SLC35F4: variants seen among roughly 807,000 people sequenced by gnomAD.
SLC35F4 encodes the protein chromosome 14 open reading frame 36.
In SLC35F4, 24 loss-of-function variants were observed where a neutral mutation model predicts 44.2. The ratio of observed to expected loss-of-function variants is 0.54; its 90% CI spans 0.39 to 0.76. The LOEUF (loss-of-function observed/expected upper bound fraction) is 0.76. Ranked by LOEUF, SLC35F4 falls within the 30% of genes least tolerant of loss-of-function variation. The pLI is 0.00. For synonymous variants in SLC35F4, 238 were observed against 223.6 expected, an observed-to-expected ratio of 1.06 and a Z score of -0.57; for missense variants, 562 against 586.1, an observed-to-expected ratio of 0.96 and a Z score of 0.42.
chr14:57,581,786 G>A (rs964162998), intron 3 of SLC35F4, among the ~76,000 whole-genome samples: 2 of 152,246 alleles, frequency 1.3e-5, no homozygotes, highest in East Asian at 3.9e-4. Flanking sequence ...GTGGGCAAAC[G>A]AGAGAGGGTC....
At chr14:57,798,121 C>CAAAAAA (rs60685029) in intron 1 of SLC35F4, among the ~76,000 whole-genome samples, 16 of 42,070 alleles carry the variant, frequency 3.8e-4, no homozygotes, top group South Asian at 1.0e-3. Context: ...GACCCACGAG[C>CAAAAAA]AAAAAAAAAA....
upstream of SLC35F4, among the ~76,000 whole-genome samples, chr14:57,868,642 A>T (rs981870435): frequency 6.6e-6 from 1 of 151,820 alleles, no homozygotes; most frequent in African/African-American, 2.4e-5. Context: ...CGCCCAGCTA[A>T]TTTTTTTGTA....
intron 1 of SLC35F4, among the ~76,000 whole-genome samples, chr14:57,895,647 A>G (rs1338084885): frequency 1.3e-5 from 2 of 151,560 alleles, no homozygotes; most frequent in East Asian, 1.9e-4. Flanking sequence ...ATGGCAATAC[A>G]TGGTTGTTTT....
intron 3 of SLC35F4, among the ~76,000 whole-genome samples, chr14:57,584,244 T>C (rs574028246): frequency 1.3e-5 from 2 of 152,134 alleles, no homozygotes; most frequent in Non-Finnish European, 2.9e-5. Flanking sequence ...AAAAAACTAC[T>C]TCTAAATACA....
chr14:57,677,109 C>T (rs2074720540), intron 1 of SLC35F4, among the ~76,000 whole-genome samples: 1 of 152,014 alleles, frequency 6.6e-6, no homozygotes. Flanking sequence ...TCTTTTGCAG[C>T]AACGTGGGTG....
intron 1 of SLC35F4, among the ~76,000 whole-genome samples, chr14:57,672,882 T>C (rs916698817): frequency 1.3e-5 from 2 of 152,180 alleles, no homozygotes; most frequent in East Asian, 3.9e-4. Flanking sequence ...AGTAGGTTTT[T>C]TGTTTTTTTA....
intron 1 of SLC35F4, among the ~76,000 whole-genome samples, chr14:57,738,260 G>A (rs1031721383): frequency 2.6e-5 from 4 of 152,124 alleles, no homozygotes; most frequent in African/African-American, 9.7e-5. Context: ...CAGTGTCACA[G>A]GGAGTATAAA....
intron 1 of SLC35F4, among the ~76,000 whole-genome samples, chr14:57,955,707 A>G (rs1890223576): frequency 6.6e-6 from 1 of 152,198 alleles, no homozygotes; most frequent in South Asian, 2.1e-4. Context: ...CAAAGAGAAT[A>G]AAATACCTAG....
At chr14:57,642,997 T>A (rs542528887) in intron 1 of SLC35F4, among the ~76,000 whole-genome samples, 14 of 151,996 alleles carry the variant, frequency 9.2e-5, no homozygotes, top group Admixed American at 8.5e-4. Context: ...CTTTAGCACA[T>A]TGTTTGTGTA....
At chr14:57,801,340 C>T (rs980504556) in intron 1 of SLC35F4, among the ~76,000 whole-genome samples, 1 of 152,200 alleles carries the variant, frequency 6.6e-6, no homozygotes, top group Non-Finnish European at 1.5e-5. Context: ...CACCACCAGG[C>T]CTGCCTTGCA....
intron 1 of SLC35F4, among the ~76,000 whole-genome samples, chr14:57,857,487 CT>C (rs1411140098): frequency 6.6e-6 from 1 of 151,920 alleles, no homozygotes; most frequent in Non-Finnish European, 1.5e-5. Flanking sequence ...ATCATGTACT[CT>C]TTCTTTTTCT....
chr14:57,914,540 G>A (rs1460738731), intron 1 of SLC35F4, among the ~76,000 whole-genome samples: 1 of 151,774 alleles, frequency 6.6e-6, no homozygotes, highest in East Asian at 1.9e-4. Flanking sequence ...TCCAGCCTGG[G>A]CAGCATAGCG....
At chr14:57,742,300 C>G (rs964901869) in intron 1 of SLC35F4, among the ~76,000 whole-genome samples, 1 of 152,106 alleles carries the variant, frequency 6.6e-6, no homozygotes, top group African/African-American at 2.4e-5. Context: ...AGAGTCAAGA[C>G]CCATCAGTGT....
At chr14:57,772,890 T>C (rs1166801344) in intron 1 of SLC35F4, among the ~76,000 whole-genome samples, 1 of 152,220 alleles carries the variant, frequency 6.6e-6, no homozygotes, top group East Asian at 1.9e-4. Context: ...GATTGCCAGA[T>C]CAAATGGTAG....
chr14:57,734,051 AG>A (rs2076408972), intron 1 of SLC35F4, among the ~76,000 whole-genome samples: 2 of 152,188 alleles, frequency 1.3e-5, no homozygotes, highest in African/African-American at 4.8e-5. Context: ...ATGTAGCGTA[AG>A]GAAAGTCTTT....
intron 1 of SLC35F4, among the ~76,000 whole-genome samples, chr14:57,880,345 T>C (rs981547262): frequency 6.6e-6 from 1 of 152,144 alleles, no homozygotes; most frequent in African/African-American, 2.4e-5. Flanking sequence ...TGAGGGCTTC[T>C]CCTCAACTTA....
intron 1 of SLC35F4, chr14:57,629,932 T>C (rs2072683068): frequency 2.0e-6 from 1 of 492,148 alleles, no homozygotes; most frequent in East Asian, 5.4e-5. Context: ...GCTGAACACA[T>C]CTCTCTTCTT....
rs1455636105 is a variant in SLC35F4 at position 57,675,312 on chromosome 14, G to T, written c.104-81188C>A. 2.0e-5 allele frequency among the ~76,000 whole-genome samples: 3 copies of T among 152,136 alleles called. No homozygotes were observed. In the East Asian group the frequency reaches 5.8e-4, roughly 29 times the overall value. ...CTCCGGGAAATGATATGCATGCTGA[G>T]GTAGTTAGAGGGGAAGCATAGCCTA... On this transcript the variant is annotated intron_variant, in intron 1 of 7. Coordinates refer to ENST00000556826, the MANE Select transcript of SLC35F4 (RefSeq NM_001306087.2).
chr14:57,645,300 G>A (rs1453795162), intron 1 of SLC35F4, among the ~76,000 whole-genome samples: 1 of 152,138 alleles, frequency 6.6e-6, no homozygotes, highest in Admixed American at 6.5e-5. Context: ...ATTTCATTGA[G>A]CAGTGGTTTG....
Sources: gnomAD v4.1 joint callset for allele counts (sites outside exome capture counted in the v4.1 genomes callset) on GRCh38, gnomAD v4.1.1 for gene constraint, MANE v1.5 for transcripts, NCBI Gene and HGNC (gene_info 2026-07-23, HGNC 2026-07-21) for gene names.